Variants in SYNPR observed in about 807,000 individuals in gnomAD.
The protein encoded by SYNPR is synaptoporin.
Under a neutral mutation model 32.9 loss-of-function variants are expected in SYNPR, and 23 were observed. That is an observed-to-expected ratio of 0.70 (90% CI 0.50 to 0.99). The LOEUF (loss-of-function observed/expected upper bound fraction) is 0.99. Among genes scored for constraint, SYNPR ranks in the 50% least tolerant of loss-of-function variants. The pLI is 0.00. For synonymous variants in SYNPR, 146 were observed against 135.9 expected (o/e 1.07, Z -0.52); for missense variants, 318 against 349.3 (o/e 0.91, Z 0.71).
At chr3:63,372,194 C>A (rs1279220562) in intron 2 of SYNPR, among the ~76,000 whole-genome samples, 1 of 152,030 alleles carries the variant, frequency 6.6e-6, no homozygotes, top group Non-Finnish European at 1.5e-5. Context: ...CACATAAAAA[C>A]AAAGACTATG....
intron 2 of SYNPR, among the ~76,000 whole-genome samples, chr3:63,332,012 G>A (rs1480315158): frequency 1.3e-5 from 2 of 152,190 alleles, no homozygotes; most frequent in Admixed American, 1.3e-4. Flanking sequence ...TCGACTGGTA[G>A]GCAGTTCTTG....
intron 2 of SYNPR, among the ~76,000 whole-genome samples, chr3:63,442,251 CG>C (rs1700193447): frequency 6.7e-6 from 1 of 150,136 alleles, no homozygotes; most frequent in African/African-American, 2.5e-5. Context: ...GGAAGGAAAG[CG>C]AGAGAGAGAG....
chr3:63,500,125 G>A (rs1701451523), intron 3 of SYNPR, among the ~76,000 whole-genome samples: 1 of 152,026 alleles, frequency 6.6e-6, no homozygotes. Context: ...TTGGAGCATG[G>A]TTTTTACCCA....
chr3:63,469,900 TAAC>T (rs761126007), intron 2 of SYNPR, among the ~76,000 whole-genome samples: 4 of 150,454 alleles, frequency 2.7e-5, no homozygotes, highest in Admixed American at 6.6e-5. Context: ...TGGATTTCTT[TAAC>T]TTTACATTTT....
intron 2 of SYNPR, among the ~76,000 whole-genome samples, chr3:63,354,604 G>A (rs1330198070): frequency 6.6e-6 from 1 of 152,210 alleles, no homozygotes; most frequent in African/African-American, 2.4e-5. Flanking sequence ...GGCAAAGGGA[G>A]TAGATAAAGG....
intron 3 of SYNPR, among the ~76,000 whole-genome samples, chr3:63,521,647 C>G (rs539634422): frequency 4.6e-5 from 7 of 152,270 alleles, no homozygotes; most frequent in African/African-American, 1.4e-4. Context: ...GCTCCTGCAG[C>G]CAATACTCTG....
At chr3:63,421,702 GA>G (rs1422758968) in intron 2 of SYNPR, among the ~76,000 whole-genome samples, 12 of 152,152 alleles carry the variant, frequency 7.9e-5, no homozygotes, top group African/African-American at 2.4e-4. Flanking sequence ...TGCTCAGACT[GA>G]AATCAGGGCT....
the SYNPR span, among the ~76,000 whole-genome samples, chr3:63,218,174 G>A: frequency 4.6e-5 from 7 of 152,076 alleles, no homozygotes; most frequent in South Asian, 1.2e-3. Context: ...ATCCTCAAGG[G>A]CAAGGCTATG....
intron 2 of SYNPR, among the ~76,000 whole-genome samples, chr3:63,450,964 A>G (rs1173810728): frequency 6.6e-6 from 1 of 152,176 alleles, no homozygotes; most frequent in Non-Finnish European, 1.5e-5. Context: ...TTCTACCTGC[A>G]TTGCCTCAGA....
chr3:63,409,940 C>T (rs555687716), intron 2 of SYNPR, among the ~76,000 whole-genome samples: 73 of 152,224 alleles, frequency 4.8e-4, no homozygotes, highest in African/African-American at 1.7e-3. Context: ...TTCCCTGTGC[C>T]CCAACAGCGT....
At chr3:63,377,033 A>C (rs1230212792) in intron 2 of SYNPR, among the ~76,000 whole-genome samples, 1 of 152,116 alleles carries the variant, frequency 6.6e-6, no homozygotes, top group African/African-American at 2.4e-5. Context: ...TCTCTTCAAC[A>C]TCCCGTTTTT....
intron 3 of SYNPR, among the ~76,000 whole-genome samples, chr3:63,552,099 T>C (rs896382525): frequency 2.0e-5 from 3 of 152,024 alleles, no homozygotes; most frequent in African/African-American, 7.2e-5. Context: ...GGTTTCACCA[T>C]GTTGGTCAGG....
Position 63,470,884 on chromosome 3 carries a change from GAT to G in SYNPR, c.85-9945_85-9944del, listed in dbSNP as rs1462661149. Among the ~76,000 whole-genome samples the G allele has an allele frequency of 3.3e-5, 5 of 152,314 alleles. No homozygotes were observed. In the East Asian group the frequency reaches 9.6e-4, roughly 29 times the overall value. On this transcript the variant is annotated intron_variant, in intron 2 of 5. Transcript: ENST00000478300. ...GTAGTCACCTAGCTCTAGACTTCCTGATATGTGTGAAAAACAAACCCCTATTT... is the reference window on the plus strand; with the variant it reads ...GTAGTCACCTAGCTCTAGACTTCCTGATGTGTGAAAAACAAACCCCTATTT...
chr3:63,408,569 T>C (rs946627283), intron 2 of SYNPR, among the ~76,000 whole-genome samples: 3 of 152,080 alleles, frequency 2.0e-5, no homozygotes, highest in African/African-American at 7.2e-5. Context: ...CCTGAGAAAC[T>C]TGTGGCCTGC....
chr3:63,580,867 G>A (rs903319201), intron 4 of SYNPR, among the ~76,000 whole-genome samples: 3 of 152,182 alleles, frequency 2.0e-5, no homozygotes, highest in Admixed American at 1.3e-4. Flanking sequence ...TTTACCATAT[G>A]TCAGGCATAT....
At chr3:63,282,457 T>C (rs1159633439) in intron 2 of SYNPR, among the ~76,000 whole-genome samples, 1 of 152,094 alleles carries the variant, frequency 6.6e-6, no homozygotes, top group Non-Finnish European at 1.5e-5. Flanking sequence ...TCAAAAAGAA[T>C]AGGAATACAT....
At chr3:63,541,505 T>C (rs1355289381) in intron 3 of SYNPR, among the ~76,000 whole-genome samples, 1 of 152,112 alleles carries the variant, frequency 6.6e-6, no homozygotes, top group Non-Finnish European at 1.5e-5. Context: ...ACCCACTGAA[T>C]AGTAGGGGGA....
intron 4 of SYNPR, among the ~76,000 whole-genome samples, chr3:63,560,693 C>T (rs1702671713): frequency 6.6e-6 from 1 of 152,108 alleles, no homozygotes; most frequent in Non-Finnish European, 1.5e-5. Context: ...TGGAAGGCAC[C>T]TCTTCATAGG....
intron 4 of SYNPR, among the ~76,000 whole-genome samples, chr3:63,588,386 T>C (rs10514720): frequency 0.088 from 13,375 of 152,084 alleles, 608 homozygotes; most frequent in East Asian, 0.14. Context: ...GTTTCATCTA[T>C]ATGCTGCCTG....
Sources: gnomAD v4.1 joint callset for allele counts (sites outside exome capture counted in the v4.1 genomes callset) on GRCh38, gnomAD v4.1.1 for gene constraint, MANE v1.5 for transcripts, NCBI Gene and HGNC (gene_info 2026-07-23, HGNC 2026-07-21) for gene names.